Variants in LYPLAL1 observed in about 807,000 individuals in gnomAD.
The protein encoded by LYPLAL1 is lysophospholipase-like protein 1.
A neutral mutation model predicts 19.7 loss-of-function variants in LYPLAL1; 23 were observed. That is an observed-to-expected ratio of 1.17 (90% CI 0.84 to 1.65). LYPLAL1 has a LOEUF of 1.65. LYPLAL1 is among the 40% of genes most tolerant of loss of function. The pLI, the probability that LYPLAL1 is intolerant of heterozygous loss-of-function variation, is 0.00. For synonymous variants in LYPLAL1, 119 were observed against 96.3 expected, an observed-to-expected ratio of 1.24 and a Z score of -1.38; for missense variants, 355 against 279.4, an observed-to-expected ratio of 1.27 and a Z score of -1.93.
At position 219,188,396 on chromosome 1, in the gene LYPLAL1, C is replaced by T. The variant is rs544236738; in HGVS notation, c.192-4686C>T. On this transcript the variant is annotated intron_variant, in intron 2 of 4. Transcript: ENST00000366928. ...ACACTTGAGCTGAGACCTAAATGAA[C>T]AGTCGGAGCCCACCATGCAGAAATG... Among the ~76,000 whole-genome samples, 50 of 151,862 alleles carry T rather than the reference C, an allele frequency of 3.3e-4. 1 individual carries two copies. Among genetic ancestry groups the T allele is most frequent in the African/African-American group, 1.2e-3 (48 of 41,488 alleles).
the LYPLAL1 span, among the ~76,000 whole-genome samples, chr1:219,445,061 CT>C: frequency 6.7e-6 from 1 of 149,736 alleles, no homozygotes; most frequent in African/African-American, 2.5e-5. Context: ...GAAAAAAATC[CT>C]GTGAATAAAA....
chr1:219,366,918 T>A, the LYPLAL1 span, among the ~76,000 whole-genome samples: 1 of 152,000 alleles, frequency 6.6e-6, no homozygotes, highest in Non-Finnish European at 1.5e-5. Context: ...ATGAAAAAAA[T>A]TAAATGATTT....
At chr1:219,189,307 C>T (rs1656964821) in intron 2 of LYPLAL1, among the ~76,000 whole-genome samples, 1 of 151,518 alleles carries the variant, frequency 6.6e-6, no homozygotes, top group South Asian at 2.1e-4. Context: ...GGGTAATAGG[C>T]TCATTTGAAT....
Position 219,193,066 on chromosome 1 carries a change from G to GT in LYPLAL1, c.192-16_192-15insT, listed in dbSNP as rs758330427. On this transcript the variant is annotated splice_polypyrimidine_tract_variant and intron_variant, in intron 2 of 4. Coordinates refer to ENST00000366928, the MANE Select transcript of LYPLAL1 (RefSeq NM_138794.5). The stretch of plus-strand genomic sequence containing the variant: ...TTTCCTTTCTTTTTTTTTGGGGGGG[G>GT]GCGGTTGTTAAACAGATCATATACT... The GT allele has an allele frequency of 5.3e-6, 8 of 1,519,544 alleles. No individual in the cohort carries two copies. Among genetic ancestry groups the GT allele is most frequent in the Admixed American group, 3.9e-5 (2 of 50,996 alleles). The allele number at this position is 1,519,544 out of a possible 1,614,324, so 94.1% of individuals were successfully genotyped here. A position where few individuals can be genotyped will look rare whatever the true frequency, so the allele number is the denominator to read the frequency against.
the LYPLAL1 span, among the ~76,000 whole-genome samples, chr1:219,273,583 A>T: frequency 6.6e-6 from 1 of 152,146 alleles, no homozygotes; most frequent in Non-Finnish European, 1.5e-5. Flanking sequence ...TAACAAGCTT[A>T]ATTCCTTCAA....
chr1:219,189,889 A>G (rs1233593613), intron 2 of LYPLAL1, among the ~76,000 whole-genome samples: 3 of 151,696 alleles, frequency 2.0e-5, no homozygotes, highest in East Asian at 1.9e-4. Context: ...ATCAAGAACA[A>G]TAGATGCCTG....
At chr1:219,386,102 A>T in the LYPLAL1 span, among the ~76,000 whole-genome samples, 1 of 152,216 alleles carries the variant, frequency 6.6e-6, no homozygotes, top group East Asian at 1.9e-4. Flanking sequence ...ACTGGGCAAC[A>T]GAGGGGAGAC....
intron 1 of LYPLAL1, among the ~76,000 whole-genome samples, chr1:219,176,916 C>A (rs1213906456): frequency 6.6e-6 from 1 of 152,092 alleles, no homozygotes; most frequent in Non-Finnish European, 1.5e-5. Flanking sequence ...ATGAAAAAAA[C>A]AAATCACTGC....
chr1:219,263,692 G>A, the LYPLAL1 span, among the ~76,000 whole-genome samples: 1 of 152,160 alleles, frequency 6.6e-6, no homozygotes, highest in Non-Finnish European at 1.5e-5. Context: ...TGGGACCTGG[G>A]AGTGCCTACA....
At chr1:219,400,493 A>G in the LYPLAL1 span, among the ~76,000 whole-genome samples, 1 of 134,910 alleles carries the variant, frequency 7.4e-6, no homozygotes, top group Non-Finnish European at 1.6e-5. Flanking sequence ...CTATCTGTCT[A>G]TCTATCTTTT....
the LYPLAL1 span, among the ~76,000 whole-genome samples, chr1:219,390,423 G>C: frequency 6.6e-6 from 1 of 152,202 alleles, no homozygotes; most frequent in Non-Finnish European, 1.5e-5. Context: ...CCAGAGAAGA[G>C]AAGGGACTGG....
At chr1:219,214,799 T>G (rs1659229793), downstream of LYPLAL1, among the ~76,000 whole-genome samples, 2 of 151,456 alleles carry the variant, frequency 1.3e-5, no homozygotes, top group Admixed American at 1.3e-4. Context: ...AAGAGATTTT[T>G]GTACCTCAGC....
At chr1:219,254,994 T>C in the LYPLAL1 span, among the ~76,000 whole-genome samples, 1 of 151,962 alleles carries the variant, frequency 6.6e-6, no homozygotes, top group East Asian at 1.9e-4. Context: ...TTTGTCTGAC[T>C]ATCTTATTTC....
chr1:219,218,478 T>G, the LYPLAL1 span, among the ~76,000 whole-genome samples: 4 of 149,134 alleles, frequency 2.7e-5, no homozygotes, highest in East Asian at 8.1e-4. Flanking sequence ...TCATAAACTT[T>G]CTTAAAACAT....
At chr1:219,226,591 GAAAA>G in the LYPLAL1 span, among the ~76,000 whole-genome samples, 2 of 142,574 alleles carry the variant, frequency 1.4e-5, no homozygotes, top group Admixed American at 7.0e-5. Flanking sequence ...ATAACACATA[GAAAA>G]AAAAAAAAGG....
intron 3 of LYPLAL1, among the ~76,000 whole-genome samples, chr1:219,196,540 A>G (rs550591824): frequency 2.0e-5 from 3 of 152,270 alleles, no homozygotes; most frequent in Non-Finnish European, 4.4e-5. Flanking sequence ...AGCCAGTATC[A>G]TACTGAATGG....
At chr1:219,331,497 A>T in the LYPLAL1 span, among the ~76,000 whole-genome samples, 18 of 152,294 alleles carry the variant, frequency 1.2e-4, no homozygotes, top group South Asian at 2.7e-3. Context: ...ACCAGCCAGG[A>T]CTTAACTCAT....
the LYPLAL1 span, among the ~76,000 whole-genome samples, chr1:219,248,871 A>G: frequency 4.6e-5 from 7 of 152,108 alleles, no homozygotes; most frequent in Non-Finnish European, 1.0e-4. Context: ...AAATCCTATA[A>G]TCTAGAAACA....
chr1:219,419,381 T>C, the LYPLAL1 span, among the ~76,000 whole-genome samples: 2 of 152,102 alleles, frequency 1.3e-5, no homozygotes, highest in African/African-American at 2.4e-5. Flanking sequence ...GGGTGAGTAG[T>C]CAGCCACACC....
Sources: allele counts gnomAD v4.1 joint callset (sites outside exome capture counted in the v4.1 genomes callset), GRCh38; gene constraint gnomAD v4.1.1; transcripts MANE v1.5; gene names NCBI Gene and HGNC (gene_info 2026-07-23, HGNC 2026-07-21).